Variants in ZNF878 observed in about 807,000 individuals in gnomAD.
The protein encoded by ZNF878 is zinc finger protein 878.
ZNF878 carries 10 observed loss-of-function variants against 11.1 expected under a neutral mutation model. The ratio of observed to expected loss-of-function variants is 0.90; its 90% CI spans 0.56 to 1.53. ZNF878 has a LOEUF of 1.53. Ranked by LOEUF, ZNF878 falls within the 40% of genes most tolerant of loss-of-function variation. ZNF878 has a pLI of 0.00. For missense variants in ZNF878, 548 were observed against 626.1 expected, an observed-to-expected ratio of 0.88 and a Z score of 1.33; for synonymous variants, 165 against 209.7, an observed-to-expected ratio of 0.79 and a Z score of 1.84.
At position 12,044,386 on chromosome 19, in the gene ZNF878, A is replaced by T; in HGVS notation, c.1015T>A (p.Tyr339Asn). The T allele has an allele frequency of 6.2e-7, 1 of 1,613,932 alleles. No homozygotes were observed. Among genetic ancestry groups the T allele is most frequent in the Non-Finnish European group, 8.5e-7 (1 of 1,179,972 alleles). ...GCTTTCACACATTTTTTACATTCAT[A>T]AGGTTTCTCTCCAGTGTGAGTCTTT... ...HEKTHTGEKPYECKKCVKAFS... is the reference protein window; with the variant it reads ...HEKTHTGEKPNECKKCVKAFS... Residue 339 changes from tyrosine to asparagine, a missense_variant, in exon 4 of 4, where the codon TAT (tyrosine) becomes AAT (asparagine). Physicochemically the swap from Tyr to Asn is moderately radical, Grantham distance 143. Transcript: ENST00000547628.
At position 12,052,816 on chromosome 19, in the gene ZNF878, G is replaced by A. The variant is rs373151950; in HGVS notation, c.-15C>T. The A allele has an allele frequency of 1.1e-4, 167 of 1,535,834 alleles. No homozygotes were observed. The highest frequency in any genetic ancestry group is 1.4e-4 in the Non-Finnish European group (161 of 1,146,738). The stretch of plus-strand genomic sequence containing the variant: ...ATGCTCACCATTTCCTGGCTTCCAG[G>A]TATTCTGGCGTCCTCTCTAAAGGTC... On this transcript the variant is annotated 5_prime_UTR_variant, in exon 1 of 4. Transcript: ENST00000547628.
chr19:12,046,837 T>G, intron 1 of ZNF878, 77 bp from the exon 2 acceptor site: 1 of 1,584,482 alleles, frequency 6.3e-7, no homozygotes, highest in Non-Finnish European at 8.6e-7. Flanking sequence ...TCCTAGGAAG[T>G]TCTCAGGATG....
At chr19:12,051,114 A>AAAG in intron 1 of ZNF878, among the ~76,000 whole-genome samples, 1 of 110,052 alleles carries the variant, frequency 9.1e-6, no homozygotes, top group African/African-American at 8.6e-5. Context: ...AAAAAAAAAA[A>AAAG]AAAAGAAAAG....
chr19:12,051,318 C>T (rs943873781), intron 1 of ZNF878, among the ~76,000 whole-genome samples: 1 of 151,970 alleles, frequency 6.6e-6, no homozygotes, highest in Non-Finnish European at 1.5e-5. Context: ...AACAAAAAAA[C>T]CTGTAACTAA....
At chr19:12,047,795 T>A (rs1217057384) in intron 1 of ZNF878, among the ~76,000 whole-genome samples, 2 of 152,132 alleles carry the variant, frequency 1.3e-5, no homozygotes, top group Non-Finnish European at 2.9e-5. Flanking sequence ...CTGTCTCTAC[T>A]AATAGATAAT....
intron 1 of ZNF878, among the ~76,000 whole-genome samples, chr19:12,051,768 G>T (rs1318990550): frequency 6.6e-6 from 1 of 152,130 alleles, no homozygotes; most frequent in African/African-American, 2.4e-5. Flanking sequence ...TTAGCCGGGC[G>T]TGGTGGCTGG....
At position 12,044,706 on chromosome 19, in the gene ZNF878, CAT is replaced by C. The variant is rs756252508; in HGVS notation, c.693_694del (p.Ile231MetfsTer25). The C allele has an allele frequency of 1.1e-5, 17 of 1,614,014 alleles. No individual in the cohort carries two copies. The highest frequency in any genetic ancestry group is 4.0e-5 in the African/African-American group (3 of 74,904). On this transcript the variant is annotated frameshift_variant, in exon 4 of 4. Transcript: ENST00000547628. LOFTEE classifies it low-confidence loss of function (END_TRUNC). ...ACTGGGAGAAAAAAAGGCTTTCCCA[CAT>C]ATGTTACATTTATGAGGTCTCTCTC...
In ZNF878 at chr19:12,044,472, G is replaced by A. The variant is rs768594889; in HGVS notation, c.929C>T (p.Pro310Leu). The A allele has an allele frequency of 6.2e-7, 1 of 1,613,830 alleles. No homozygotes were observed. Among genetic ancestry groups the A allele is most frequent in the Admixed American group, 1.7e-5 (1 of 59,990 alleles). Residue 310 changes from proline (P) to leucine (L), a missense_variant, in exon 4 of 4, where the codon CCC becomes CTC. Pro to Leu is a moderately conservative substitution (Grantham distance 98, BLOSUM62 -3). Around this residue, in one of 3 missense-constraint regions of ZNF878, gnomAD observed 335 missense variants for 358.2 expected, o/e 0.94. Coordinates refer to ENST00000547628, the MANE Select transcript of ZNF878 (RefSeq NM_001080404.3). Reference sequence around the variant, plus strand: ...CTTACCACATAGCTTACACTCATAGGGTTTCTCTCCAGTGTGTTTTCTTTC... The same window carrying A: ...CTTACCACATAGCTTACACTCATAGAGTTTCTCTCCAGTGTGTTTTCTTTC... ...VHERKHTGEKPYECKLCGKGF... is the reference protein window; with the variant it reads ...VHERKHTGEKLYECKLCGKGF...
Position 12,044,908 on chromosome 19 carries a change from G to A in ZNF878, c.493C>T (p.His165Tyr), listed in dbSNP as rs1975452155. The A allele has an allele frequency of 1.2e-6, 2 of 1,613,972 alleles. No individual in the cohort carries two copies. Among genetic ancestry groups the A allele is most frequent in the African/African-American group, 1.3e-5 (1 of 74,896 alleles). The part of the protein sequence containing the change: ...PSSVRRHERI[H>Y]SAKKPYECKQ... ...CATTCATAGGGTTTTTTTGCAGAGTGGATTCTTTCATGTCTACGAACAGAA... is the reference window on the plus strand; with the variant it reads ...CATTCATAGGGTTTTTTTGCAGAGTAGATTCTTTCATGTCTACGAACAGAA... Residue 165 changes from histidine (H) to tyrosine (Y), a missense_variant, in exon 4 of 4, where the codon CAC becomes TAC. Coordinates refer to ENST00000547628, the MANE Select transcript of ZNF878 (RefSeq NM_001080404.3).
At position 12,044,274 on chromosome 19, in the gene ZNF878, A is replaced by G. The variant is rs1308859781; in HGVS notation, c.1127T>C (p.Phe376Ser). 1.9e-6 allele frequency: 3 copies of G among 1,613,848 alleles called. No homozygotes were observed. The highest frequency in any genetic ancestry group is 2.5e-6 in the Non-Finnish European group (3 of 1,179,994). The change falls in exon 4 of 4, where the codon TTC becomes TCC. Residue 376 changes from phenylalanine (F) to serine (S), a missense_variant. Physicochemically the swap from Phe to Ser is radical, Grantham distance 155. Coordinates refer to ENST00000547628, the MANE Select transcript of ZNF878 (RefSeq NM_001080404.3). ...PFECKQCGKT[F>S]TSSNSFHYHE... ...ATAGTGAAAGGAATTGGAAGAAGTG[A>G]AGGTTTTCCCACATTGTTTACATTC...
chr19:12,044,630 G>C lies in ZNF878; in HGVS notation c.771C>G (p.Cys257Trp). The C allele has an allele frequency of 6.2e-7, 1 of 1,613,034 alleles. No individual in the cohort carries two copies. The highest frequency in any genetic ancestry group is 2.2e-5 in the East Asian group (1 of 44,770). ...KSHTGEKRYK[C>W]KQCDKAFNCP... ...AATTGAAGGCTTTATCACATTGCTT[G>C]CATTTATAGCGTTTCTCTCCAGTGT... Residue 257 changes from cysteine to tryptophan, a missense_variant, in exon 4 of 4, where the codon TGC becomes TGG. By Grantham distance (215) the Cys-to-Trp change is radical. Transcript: ENST00000547628.
chr19:12,045,855 G>T (rs1975477379), intron 3 of ZNF878, among the ~76,000 whole-genome samples: 1 of 151,598 alleles, frequency 6.6e-6, no homozygotes, highest in Non-Finnish European at 1.5e-5. Flanking sequence ...GCCTCCCAAG[G>T]ACTACAGGCA....
chr19:12,051,006 C>G (rs1021908022), intron 1 of ZNF878, among the ~76,000 whole-genome samples: 5 of 142,520 alleles, frequency 3.5e-5, no homozygotes, highest in Non-Finnish European at 7.5e-5. Flanking sequence ...TGAGGCAGGA[C>G]AATGGCGTGA....
chr19:12,047,648 C>A (rs541328286), intron 1 of ZNF878, among the ~76,000 whole-genome samples: 1 of 151,542 alleles, frequency 6.6e-6, no homozygotes, highest in Non-Finnish European at 1.5e-5. Flanking sequence ...TTCTGGGAAA[C>A]TGTATGTAGA....
intron 3 of ZNF878, 153 bp downstream of exon 3, chr19:12,046,215 G>A: frequency 1.6e-6 from 1 of 618,714 alleles, no homozygotes; most frequent in Admixed American, 3.2e-5. Flanking sequence ...ATACACATAA[G>A]CCATGTCACA....
Position 12,044,762 on chromosome 19 carries a change from G to A in ZNF878, c.639C>T (p.Ser213=), listed in dbSNP as rs765666600. ...TGTGCATTCTCATGTGTGTCTGAAA[G>A]CTTACAAGATAAGATAATGCTTTCC... ...QCGKALSYLV[S]FQTHMRMHTG... Residue 213 remains serine, a synonymous_variant, in exon 4 of 4, where the codon AGC becomes AGT. Transcript: ENST00000547628. 6 of 1,614,040 alleles carry A rather than the reference G, an allele frequency of 3.7e-6. No individual in the cohort carries two copies. The Admixed American group carries it at 8.3e-5, about 22-fold the overall frequency.
chr19:12,052,833 C>A lies in ZNF878; in HGVS notation c.-32G>T. 6.5e-7 allele frequency: 1 copy of A among 1,535,970 alleles called. No individual in the cohort carries two copies. On this transcript the variant is annotated 5_prime_UTR_variant, in exon 1 of 4. Coordinates refer to ENST00000547628, the MANE Select transcript of ZNF878 (RefSeq NM_001080404.3). ...GCTTCCAGGTATTCTGGCGTCCTCT[C>A]TAAAGGTCCCGTGAACAGTGCAGGT...
chr19:12,045,207 CT>C lies in ZNF878; in HGVS notation c.193del (p.Arg65AspfsTer3). The stretch of plus-strand genomic sequence containing the variant: ...TTCAGAGAGTCTCTCCCCTATAAGT[CT>C]TCTGTGAACAATGAAAGCACATTAT... ...EHQNPRRNLR[R>X]LIGERLSESK... On this transcript the variant is annotated frameshift_variant and splice_region_variant, in exon 4 of 4. Coordinates refer to ENST00000547628, the MANE Select transcript of ZNF878 (RefSeq NM_001080404.3). LOFTEE classifies it low-confidence loss of function (END_TRUNC). The C allele has an allele frequency of 6.3e-7, 1 of 1,589,624 alleles. No homozygotes were observed. Among genetic ancestry groups the C allele is most frequent in the East Asian group, 2.2e-5 (1 of 44,582 alleles).
Position 12,049,180 on chromosome 19 carries a change from C to T in ZNF878, c.4-2420G>A, listed in dbSNP as rs982697137. On this transcript the variant is annotated intron_variant, in intron 1 of 3. Transcript: ENST00000547628. ...AAGATAATACAGCTACAAAGAATAA[C>T]AAAAAGAAGGCTGGGTGCGGTGGCT... Among the ~76,000 whole-genome samples, 3 of 146,624 alleles carry T rather than the reference C, an allele frequency of 2.0e-5. No homozygotes were observed. In the Admixed American group the frequency reaches 2.1e-4, roughly 10 times the overall value.
Sources: gnomAD v4.1 joint callset for allele counts (sites outside exome capture counted in the v4.1 genomes callset) on GRCh38, gnomAD v4.1.1 for gene constraint, gnomAD v4.1.1 regional missense constraint, MANE v1.5 for transcripts, NCBI Gene and HGNC (gene_info 2026-07-23, HGNC 2026-07-21) for gene names.